EPHA4: variants seen among roughly 807,000 people sequenced by gnomAD.
The protein encoded by EPHA4 is ephrin type-A receptor 4.
In EPHA4, 19 loss-of-function variants were observed where a neutral mutation model predicts 108.3. The observed-to-expected ratio is 0.18, with a 90% CI of 0.12 to 0.26. EPHA4 has a LOEUF of 0.26. Among genes scored for constraint, EPHA4 ranks in the 10% least tolerant of loss-of-function variants. The pLI, the probability that EPHA4 is intolerant of heterozygous loss-of-function variation, is 1.00. For synonymous variants in EPHA4, 449 were observed against 455.5 expected, an observed-to-expected ratio of 0.99 and a Z score of 0.18; for missense variants, 917 against 1,254.0, an observed-to-expected ratio of 0.73 and a Z score of 4.06.
intron 8 of EPHA4, among the ~76,000 whole-genome samples, chr2:221,452,743 A>G (rs1690826673): frequency 6.6e-6 from 1 of 152,138 alleles, no homozygotes; most frequent in Non-Finnish European, 1.5e-5. Flanking sequence ...AGGGACAGGA[A>G]TCATCGCTAG....
At chr2:221,514,131 C>A (rs757263396) in intron 3 of EPHA4, among the ~76,000 whole-genome samples, 2 of 151,740 alleles carry the variant, frequency 1.3e-5, no homozygotes, top group African/African-American at 2.4e-5. Context: ...ATTTTGAACT[C>A]TTCAGCTTGA....
chr2:221,545,489 C>T (rs1693969193), intron 3 of EPHA4, among the ~76,000 whole-genome samples: 2 of 151,990 alleles, frequency 1.3e-5, no homozygotes, highest in Admixed American at 1.3e-4. Context: ...AAAAACAAAA[C>T]AAAACAAAAG....
At chr2:221,567,917 C>G (rs1019690746) in intron 2 of EPHA4, among the ~76,000 whole-genome samples, 1 of 152,178 alleles carries the variant, frequency 6.6e-6, no homozygotes, top group African/African-American at 2.4e-5. Flanking sequence ...AGAGTTATTT[C>G]AGTTTGGCAG....
At chr2:221,477,573 C>T (rs1168933336) in intron 5 of EPHA4, among the ~76,000 whole-genome samples, 1 of 152,114 alleles carries the variant, frequency 6.6e-6, no homozygotes, top group Admixed American at 6.5e-5. Flanking sequence ...GAAATCACCC[C>T]CAATTTAGAA....
At chr2:221,449,063 A>G (rs1690686544) in intron 8 of EPHA4, among the ~76,000 whole-genome samples, 2 of 152,184 alleles carry the variant, frequency 1.3e-5, no homozygotes, top group South Asian at 4.1e-4. Context: ...GTGTTTTTAA[A>G]TGAGATTTTT....
At chr2:221,574,161 T>C (rs1478828090), upstream of EPHA4, 2 of 152,274 alleles carry the variant, frequency 1.3e-5, no homozygotes, top group Admixed American at 1.3e-4. Flanking sequence ...GCCGAGCTAA[T>C]GACATGAGCA....
chr2:221,573,842 ACTC>A (rs778200015), upstream of EPHA4: 1 of 152,072 alleles, frequency 6.6e-6, no homozygotes, highest in Non-Finnish European at 1.5e-5. This position sits in a 1 kb window ranked among gnomAD's most constrained non-coding sequence, Gnocchi z 4.5. Flanking sequence ...CACTAGGGCT[ACTC>A]CTACCGTGGG....
At chr2:221,561,031 A>C (rs907992923) in intron 3 of EPHA4, among the ~76,000 whole-genome samples, 2 of 152,178 alleles carry the variant, frequency 1.3e-5, no homozygotes, top group African/African-American at 4.8e-5. Context: ...TCACGAGGTC[A>C]GGAGATGGAG....
chr2:221,422,373 T>C (rs921030666), intron 17 of EPHA4, among the ~76,000 whole-genome samples: 11 of 152,212 alleles, frequency 7.2e-5, no homozygotes, highest in Admixed American at 6.5e-5. Flanking sequence ...AGGTTGGTAA[T>C]GGTTTCTTTT....
intron 3 of EPHA4, among the ~76,000 whole-genome samples, chr2:221,535,595 T>C (rs1291613084): frequency 6.6e-6 from 1 of 151,982 alleles, no homozygotes; most frequent in Admixed American, 6.5e-5. Context: ...CTGTTTTTTT[T>C]CCTCTTCAAA....
chr2:221,542,047 C>T (rs1284811451), intron 3 of EPHA4, among the ~76,000 whole-genome samples: 2 of 152,160 alleles, frequency 1.3e-5, no homozygotes. Flanking sequence ...CAAGAAAATA[C>T]ATCCCTGGTT....
intron 14 of EPHA4, among the ~76,000 whole-genome samples, chr2:221,430,997 T>C (rs1690060046): frequency 6.6e-6 from 1 of 152,172 alleles, no homozygotes. Flanking sequence ...TAATTCTAAT[T>C]TTTCTAATCT....
chr2:221,507,755 G>T (rs934666727), intron 3 of EPHA4, among the ~76,000 whole-genome samples: 5 of 152,136 alleles, frequency 3.3e-5, no homozygotes, highest in African/African-American at 1.2e-4. Context: ...GATGTAACAG[G>T]TCTCTCAGGT....
chr2:221,539,598 A>C (rs776591673), intron 3 of EPHA4, among the ~76,000 whole-genome samples: 2 of 152,224 alleles, frequency 1.3e-5, no homozygotes, highest in Non-Finnish European at 2.9e-5. Flanking sequence ...CTTTGAAGAA[A>C]GAGCTTGGAG....
chr2:221,434,749 T>C (rs2106097127), intron 13 of EPHA4, among the ~76,000 whole-genome samples: 1 of 152,274 alleles, frequency 6.6e-6, no homozygotes, highest in Middle Eastern at 3.4e-3. Flanking sequence ...ATCACACAAG[T>C]CTACCTCCCC....
At position 221,470,169 on chromosome 2, in the gene EPHA4, G is replaced by T. The variant is rs140274843; in HGVS notation, c.1319-12179C>A. Among the ~76,000 whole-genome samples the T allele has an allele frequency of 5.8e-3, 890 of 152,250 alleles. 5 individuals are homozygous for T. Among genetic ancestry groups the T allele is most frequent in the Non-Finnish European group, 9.5e-3 (645 of 68,010 alleles). The stretch of plus-strand genomic sequence containing the variant: ...CCAGAGAGTCAGAGGAAACATGGTG[G>T]TAAAAATTCAGTTGTAAATCAATGT... On this transcript the variant is annotated intron_variant, in intron 5 of 17. Transcript: ENST00000281821.
At chr2:221,423,952 C>A (rs1275312446) in intron 17 of EPHA4, among the ~76,000 whole-genome samples, 1 of 151,674 alleles carries the variant, frequency 6.6e-6, no homozygotes, top group African/African-American at 2.4e-5. Flanking sequence ...CCCGTCTCCA[C>A]TAAAAATACA....
At chr2:221,539,282 C>T (rs2106189460) in intron 3 of EPHA4, among the ~76,000 whole-genome samples, 1 of 152,270 alleles carries the variant, frequency 6.6e-6, no homozygotes, top group South Asian at 2.1e-4. Flanking sequence ...TATGAGAAAA[C>T]CAAGTACAGA....
At chr2:221,423,410 G>T (rs1416322008) in intron 17 of EPHA4, among the ~76,000 whole-genome samples, 3 of 152,160 alleles carry the variant, frequency 2.0e-5, no homozygotes, top group Non-Finnish European at 1.5e-5. Context: ...ACTTCATGGA[G>T]GTAGTGGAGA....
Sources: allele counts gnomAD v4.1 joint callset (sites outside exome capture counted in the v4.1 genomes callset), GRCh38; gene constraint gnomAD v4.1.1; non-coding constraint Gnocchi (gnomAD v3.1); transcripts MANE v1.5; gene names NCBI Gene and HGNC (gene_info 2026-07-23, HGNC 2026-07-21).